DLGAP4: variants seen among roughly 807,000 people sequenced by gnomAD.
DLGAP4 encodes the protein disks large-associated protein 4.
Under a neutral mutation model 86.9 loss-of-function variants are expected in DLGAP4, and 18 were observed. That is an observed-to-expected ratio of 0.21 (90% CI 0.14 to 0.31). DLGAP4 has a LOEUF of 0.31. Ranked by LOEUF, DLGAP4 falls within the 10% of genes least tolerant of loss-of-function variation. DLGAP4 has a pLI of 1.00. For synonymous variants in DLGAP4, 548 were observed against 574.3 expected (o/e 0.95, Z 0.65); for missense variants, 1,085 against 1,362.6 (o/e 0.80, Z 3.21).
rs1171408192 is a variant in DLGAP4, at chr20:36,528,441, G to T, written c.*1410G>T. The T allele has an allele frequency of 7.2e-6, 1 of 138,550 alleles. No homozygotes were observed. The highest frequency in any genetic ancestry group is 1.5e-5 in the Non-Finnish European group (1 of 67,126). 8.6% of individuals were successfully genotyped at this position (138,550 alleles called of 1,614,324 possible). A position where few individuals can be genotyped will look rare whatever the true frequency, so the allele number is the denominator to read the frequency against. On this transcript the variant is annotated 3_prime_UTR_variant, in exon 13 of 13. Coordinates refer to ENST00000339266, the MANE Select transcript of DLGAP4 (RefSeq NM_001365621.2). ...CCTCTTGGCTGGCGCTTGCTGCAGG[G>T]GGGGACCCCCCCCCGTCCCCAGGTG...
At chr20:36,473,730 G>A (rs1289454114) in intron 7 of DLGAP4, among the ~76,000 whole-genome samples, 2 of 152,204 alleles carry the variant, frequency 1.3e-5, no homozygotes, top group African/African-American at 4.8e-5. Flanking sequence ...GATTACAGGT[G>A]TGAGCTACCA....
At chr20:36,412,753 G>A (rs529270485) in intron 2 of DLGAP4, among the ~76,000 whole-genome samples, 27 of 152,216 alleles carry the variant, frequency 1.8e-4, no homozygotes, top group African/African-American at 5.5e-4. Context: ...TGTAACAACC[G>A]CAGCACCTCT....
At chr20:36,332,139 G>C (rs1157995135) in intron 1 of DLGAP4, among the ~76,000 whole-genome samples, 1 of 152,140 alleles carries the variant, frequency 6.6e-6, no homozygotes, top group Non-Finnish European at 1.5e-5. Context: ...TCTGGAGAAG[G>C]GATGCCCAGG....
At chr20:36,386,267 A>C (rs2031593201) in intron 2 of DLGAP4, among the ~76,000 whole-genome samples, 1 of 152,068 alleles carries the variant, frequency 6.6e-6, no homozygotes. Context: ...GGCTCAAATC[A>C]TAGGGGAGTT....
chr20:36,370,910 G>A (rs1163450448), intron 2 of DLGAP4, among the ~76,000 whole-genome samples: 1 of 152,208 alleles, frequency 6.6e-6, no homozygotes, highest in African/African-American at 2.4e-5. Flanking sequence ...CTCACTGGAT[G>A]GGGGGCCAAA....
chr20:36,467,017 C>CCT (rs55778929), intron 7 of DLGAP4, among the ~76,000 whole-genome samples: 1,093 of 50,330 alleles, frequency 0.022, 29 homozygotes, highest in Middle Eastern at 0.068. Context: ...CTCTCTCTCT[C>CCT]CTCTCTCTCT....
rs1164348704 is a variant in DLGAP4, at chr20:36,323,175, CAAAAAAA to C, written c.-304+16685_-304+16691del. Reference sequence around the variant, plus strand: ...CTGGAGTGACACAGAGACCCTATCTCAAAAAAAAAAAAAAAAAAAAAAAAAAAAGATA... The same window carrying C: ...CTGGAGTGACACAGAGACCCTATCTCAAAAAAAAAAAAAAAAAAAAAGATA... On this transcript the variant is annotated intron_variant, in intron 1 of 12. Coordinates refer to ENST00000339266, the MANE Select transcript of DLGAP4 (RefSeq NM_001365621.2). Among the ~76,000 whole-genome samples the C allele has an allele frequency of 2.5e-4, 9 of 35,402 alleles. No homozygotes were observed. In the East Asian group the frequency reaches 3.8e-3, roughly 15 times the overall value. 23.2% of individuals were successfully genotyped at this position (35,402 alleles called of 152,430 possible).
At chr20:36,392,848 G>A (rs757212081) in intron 2 of DLGAP4, among the ~76,000 whole-genome samples, 8 of 152,198 alleles carry the variant, frequency 5.3e-5, no homozygotes, top group South Asian at 2.1e-4. Context: ...AACAGATGCT[G>A]TGCTCCTGGG....
At chr20:36,501,400 G>A (rs1441500629) in intron 10 of DLGAP4, among the ~76,000 whole-genome samples, 1 of 152,228 alleles carries the variant, frequency 6.6e-6, no homozygotes, top group Admixed American at 6.5e-5. Flanking sequence ...TGTGTGCCAA[G>A]CACCAGGGAT....
intron 1 of DLGAP4, among the ~76,000 whole-genome samples, chr20:36,355,913 A>T (rs2030311738): frequency 6.6e-6 from 1 of 152,166 alleles, no homozygotes. Flanking sequence ...GTGAGGATAG[A>T]GCTCAGGCCC....
intron 7 of DLGAP4, among the ~76,000 whole-genome samples, chr20:36,471,304 G>A (rs754231165): frequency 6.6e-6 from 1 of 152,066 alleles, no homozygotes; most frequent in African/African-American, 2.4e-5. Context: ...ACTCGACCTG[G>A]CCAATATGGT....
intron 1 of DLGAP4, among the ~76,000 whole-genome samples, chr20:36,359,195 C>T (rs1214462088): frequency 1.3e-5 from 2 of 152,200 alleles, no homozygotes; most frequent in Non-Finnish European, 2.9e-5. Flanking sequence ...TCTCGGCTCA[C>T]TGTAACCTCC....
intron 1 of DLGAP4, among the ~76,000 whole-genome samples, chr20:36,360,189 A>T (rs2030468517): frequency 6.6e-6 from 1 of 152,206 alleles, no homozygotes; most frequent in African/African-American, 2.4e-5. Flanking sequence ...CCCATTTTGC[A>T]GACAGGGAAC....
chr20:36,376,821 A>G (rs1245200082), intron 2 of DLGAP4, among the ~76,000 whole-genome samples: 1 of 152,176 alleles, frequency 6.6e-6, no homozygotes, highest in Non-Finnish European at 1.5e-5. Context: ...GTTTTCTCCT[A>G]TGTAAAGCAG....
intron 5 of DLGAP4, among the ~76,000 whole-genome samples, chr20:36,442,365 T>C (rs1474817144): frequency 6.6e-6 from 1 of 152,180 alleles, no homozygotes. Context: ...CGGCTAATTT[T>C]GTATTTTTAG....
At chr20:36,459,298 C>T (rs2033961751) in intron 7 of DLGAP4, among the ~76,000 whole-genome samples, 1 of 152,214 alleles carries the variant, frequency 6.6e-6, no homozygotes, top group Admixed American at 6.5e-5. Flanking sequence ...TCTCCTAGCC[C>T]AAGGGTCTCA....
chr20:36,383,308 G>A (rs1421647382), intron 2 of DLGAP4, among the ~76,000 whole-genome samples: 3 of 152,206 alleles, frequency 2.0e-5, no homozygotes, highest in African/African-American at 7.2e-5. Flanking sequence ...AATGGGCAAG[G>A]AGCCAATAAA....
intron 2 of DLGAP4, among the ~76,000 whole-genome samples, chr20:36,427,488 T>TGGGA (rs1445716075): frequency 3.3e-5 from 3 of 91,478 alleles, no homozygotes; most frequent in Non-Finnish European, 6.6e-5. Flanking sequence ...AAGAAAGAAG[T>TGGGA]GGGAGGGAGG....
At chr20:36,384,622 G>A (rs1431120091) in intron 2 of DLGAP4, among the ~76,000 whole-genome samples, 1 of 152,164 alleles carries the variant, frequency 6.6e-6, no homozygotes, top group Non-Finnish European at 1.5e-5. Context: ...AAACTAATGG[G>A]TGGGACAGGG....
Sources: allele counts gnomAD v4.1 joint callset (sites outside exome capture counted in the v4.1 genomes callset), GRCh38; gene constraint gnomAD v4.1.1; transcripts MANE v1.5; gene names NCBI Gene and HGNC (gene_info 2026-07-23, HGNC 2026-07-21).